Variants in CEACAM21 observed in about 807,000 individuals in gnomAD.
CEACAM21 encodes cell adhesion molecule CEACAM21.
CEACAM21 carries 38 observed loss-of-function variants against 33.2 expected under a neutral mutation model. The ratio of observed to expected loss-of-function variants is 1.14; its 90% CI spans 0.88 to 1.50. The LOEUF is 1.50. Ranked by LOEUF, CEACAM21 falls within the 40% of genes most tolerant of loss-of-function variation. CEACAM21 has a pLI of 0.00. For synonymous variants in CEACAM21, 156 were observed against 143.0 expected, an observed-to-expected ratio of 1.09 and a Z score of -0.65; for missense variants, 385 against 364.6, an observed-to-expected ratio of 1.06 and a Z score of -0.46.
Position 41,580,317 on chromosome 19 carries a change from G to GGT in CEACAM21, c.700+690_700+691insTG, listed in dbSNP as rs540826893. 1.4e-4 allele frequency among the ~76,000 whole-genome samples: 22 copies of GGT among 152,046 alleles called. No individual in the cohort carries two copies. In the East Asian group the frequency reaches 3.5e-3, roughly 24 times the overall value. On this transcript the variant is annotated intron_variant, in intron 3 of 6. Transcript: ENST00000401445. ...TTCTGTGACCAAATGTGATGGGGGG[G>GGT]GGTTTCTCCCACACACCCAGCAGCC...
intron 3 of CEACAM21, among the ~76,000 whole-genome samples, chr19:41,582,631 A>G (rs1368017409): frequency 2.0e-5 from 3 of 152,196 alleles, no homozygotes; most frequent in African/African-American, 7.2e-5. Flanking sequence ...TCAACACCAC[A>G]TGGAAGCTGC....
intron 2 of CEACAM21, among the ~76,000 whole-genome samples, chr19:41,578,056 C>A (rs181787118): frequency 1.8e-3 from 280 of 152,278 alleles, no homozygotes; most frequent in African/African-American, 6.5e-3. Flanking sequence ...GTCCCAGGGC[C>A]GTGGTTCCTA....
At chr19:41,576,387 C>T (rs2042948449) in intron 1 of CEACAM21, 49 bp downstream of exon 1, 3 of 1,580,436 alleles carry the variant, frequency 1.9e-6, no homozygotes, top group Admixed American at 1.8e-5. Flanking sequence ...AGCACAGAGA[C>T]TGGCTGGGGT....
At chr19:41,553,679 G>T (rs2041358884) in intron 1 of CEACAM21, 1 of 152,052 alleles carries the variant, frequency 6.6e-6, no homozygotes, top group South Asian at 2.1e-4. Flanking sequence ...TGACCTGTCA[G>T]AATGTGACAT....
In CEACAM21 at chr19:41,586,637, T is replaced by C; in HGVS notation, c.*174T>C. 1 of 549,324 alleles carries C rather than the reference T, an allele frequency of 1.8e-6. No homozygotes were observed. The highest frequency in any genetic ancestry group is 1.4e-5 in the South Asian group (1 of 70,188). The allele number at this position is 549,324 out of a possible 1,614,324, so 34.0% of individuals were successfully genotyped here. A position where few individuals can be genotyped will look rare whatever the true frequency, so the allele number is the denominator to read the frequency against. The stretch of plus-strand genomic sequence containing the variant: ...GAGCCAGAGAACCAGCTCTGAGTCC[T>C]GAGGAGACACAGGCCTGGGGACAGG... On this transcript the variant is annotated 3_prime_UTR_variant, in exon 7 of 7. Transcript: ENST00000401445.
chr19:41,586,762 G>C lies in CEACAM21; in HGVS notation c.*299G>C, dbSNP rs999916015. The C allele has an allele frequency of 2.9e-6, 1 of 350,638 alleles. No homozygotes were observed. Among genetic ancestry groups the C allele is most frequent in the South Asian group, 2.4e-5 (1 of 41,724 alleles). 21.7% of individuals were successfully genotyped at this position (350,638 alleles called of 1,614,324 possible). The stretch of plus-strand genomic sequence containing the variant: ...GGCTTCCCATCACCACAGGAAGTGG[G>C]GGCTTGCAGGGAAAGTGAATGGGCC... On this transcript the variant is annotated 3_prime_UTR_variant, in exon 7 of 7. Coordinates refer to ENST00000401445, the MANE Select transcript of CEACAM21 (RefSeq NM_001098506.4).
chr19:41,582,291 GC>G (rs782147551), intron 3 of CEACAM21, among the ~76,000 whole-genome samples: 61 of 152,342 alleles, frequency 4.0e-4, no homozygotes, highest in Admixed American at 9.1e-4. Context: ...GCAGGGTACA[GC>G]CCCACTCCTG....
chr19:41,567,805 C>G (rs1239427648), intron 2 of CEACAM21, among the ~76,000 whole-genome samples: 1 of 150,866 alleles, frequency 6.6e-6, no homozygotes, highest in East Asian at 1.9e-4. Flanking sequence ...GATCTCCTGA[C>G]AGTAGGGAAG....
intron 3 of CEACAM21, among the ~76,000 whole-genome samples, chr19:41,583,515 A>G (rs1555794117): frequency 6.6e-6 from 1 of 152,222 alleles, no homozygotes; most frequent in African/African-American, 2.4e-5. Context: ...TAATGAAGAC[A>G]TACCTGAGAC....
Position 41,586,486 on chromosome 19 carries a change from ACAT to A in CEACAM21, c.*24_*26del, listed in dbSNP as rs1395129361. 6 of 636,014 alleles carry A rather than the reference ACAT, an allele frequency of 9.4e-6. No homozygotes were observed. In the East Asian group the frequency reaches 2.4e-4, roughly 26 times the overall value. 39.4% of individuals were successfully genotyped at this position (636,014 alleles called of 1,614,324 possible). ...CAGGAATTGCTACACTCTGACACAA[ACAT>A]TTACTGCTGGATCGACCACAAAGCA... On this transcript the variant is annotated 3_prime_UTR_variant, in exon 7 of 7. Coordinates refer to ENST00000401445, the MANE Select transcript of CEACAM21 (RefSeq NM_001098506.4).
At chr19:41,565,961 G>A (rs1011966947) in intron 2 of CEACAM21, among the ~76,000 whole-genome samples, 5 of 150,306 alleles carry the variant, frequency 3.3e-5, no homozygotes, top group African/African-American at 1.2e-4. Flanking sequence ...ATTGCTTTTT[G>A]GGGGGGCGGG....
chr19:41,577,154 C>A, intron 1 of CEACAM21, 46 bp from the exon 2 acceptor site: 2 of 1,611,412 alleles, frequency 1.2e-6, no homozygotes, highest in Non-Finnish European at 1.7e-6. Context: ...TCTTTCCATG[C>A]CAATGCATAG....
chr19:41,585,109 G>A (rs1279900235), intron 4 of CEACAM21, among the ~76,000 whole-genome samples: 6 of 152,166 alleles, frequency 3.9e-5, no homozygotes, highest in Non-Finnish European at 5.9e-5. Flanking sequence ...GCCTGGCCCT[G>A]CTTTCCCCCT....
At chr19:41,567,522 A>C (rs2042343123) in intron 2 of CEACAM21, among the ~76,000 whole-genome samples, 1 of 152,222 alleles carries the variant, frequency 6.6e-6, no homozygotes, top group Non-Finnish European at 1.5e-5. Flanking sequence ...CAATTTTGCT[A>C]CTGCATAAAA....
intron 3 of CEACAM21, among the ~76,000 whole-genome samples, chr19:41,581,537 G>C (rs935857660): frequency 6.6e-6 from 1 of 152,214 alleles, no homozygotes; most frequent in Admixed American, 6.5e-5. Context: ...GACCGAGCTG[G>C]TCTTGGCTGC....
At chr19:41,574,706 T>G (rs1163849504), upstream of CEACAM21, among the ~76,000 whole-genome samples, 7 of 152,146 alleles carry the variant, frequency 4.6e-5, no homozygotes, top group African/African-American at 1.7e-4. Flanking sequence ...TTTACAAGAA[T>G]GTAGAGAAAA....
At chr19:41,574,478 C>G (rs370833787), upstream of CEACAM21, among the ~76,000 whole-genome samples, 4 of 152,222 alleles carry the variant, frequency 2.6e-5, no homozygotes, top group East Asian at 3.9e-4. Context: ...ATATAAAGAA[C>G]TATTACAACT....
rs2070697353 is a variant in CEACAM21 at position 41,585,837 on chromosome 19, C to T, written c.851-3C>T. ...TCGTGCTCACTTTTGTCTCTGTCCC[C>T]AGGCCATGGACCCTCTGACAGCTCC... On this transcript the variant is annotated splice_polypyrimidine_tract_variant and splice_region_variant and intron_variant, in intron 5 of 6. Coordinates refer to ENST00000401445, the MANE Select transcript of CEACAM21 (RefSeq NM_001098506.4). The T allele has an allele frequency of 2.0e-5, 33 of 1,612,590 alleles. No homozygotes were observed. The highest frequency in any genetic ancestry group is 2.7e-5 in the Non-Finnish European group (32 of 1,179,358).
chr19:41,550,623 T>C (rs530356703), intron 1 of CEACAM21: 1 of 152,042 alleles, frequency 6.6e-6, no homozygotes, highest in African/African-American at 2.4e-5. Context: ...ATACGAAAAT[T>C]AGCCGGGTGT....
Sources: allele counts gnomAD v4.1 joint callset (sites outside exome capture counted in the v4.1 genomes callset), GRCh38; gene constraint gnomAD v4.1.1; transcripts MANE v1.5; gene names NCBI Gene and HGNC (gene_info 2026-07-23, HGNC 2026-07-21).